The following SH2D4A variants were observed in gnomAD, a reference collection of about 807,000 sequenced individuals.
SH2D4A encodes SH2 domain containing 4A.
SH2D4A carries 70 observed loss-of-function variants against 64.7 expected under a neutral mutation model. The ratio of observed to expected loss-of-function variants is 1.08; its 90% CI spans 0.89 to 1.32. The LOEUF (loss-of-function observed/expected upper bound fraction) is 1.32, where lower values mean the gene tolerates loss of function less well. Among genes scored for constraint, SH2D4A ranks in the 40% most tolerant of loss-of-function variants. The pLI, the probability that SH2D4A is intolerant of heterozygous loss-of-function variation, is 0.00. For missense variants in SH2D4A, 706 were observed against 540.1 expected (o/e 1.31, Z -3.04); for synonymous variants, 268 against 200.7 (o/e 1.34, Z -2.83).
intron 6 of SH2D4A, 113 bp downstream of exon 6, chr8:19,361,427 C>T: frequency 2.8e-6 from 3 of 1,059,254 alleles, no homozygotes; most frequent in Admixed American, 7.4e-5. Flanking sequence ...GATATGTTCA[C>T]AGTAAGTTAC....
chr8:19,394,609 C>G lies in SH2D4A; in HGVS notation c.1332C>G (p.Asp444Glu), dbSNP rs769884182. The change falls in exon 10 of 10, where the codon GAC becomes GAG. Residue 444 changes from aspartate to glutamate, a missense_variant. Physicochemically the swap from Asp to Glu is conservative, Grantham distance 45. Transcript: ENST00000265807. ...ELLLYPCGQQ[D>E]QLPDYLELFE is the part of the protein sequence containing the mutation. ...TTCTCTATCCCTGTGGTCAGCAGGA[C>G]CAGCTGCCTGACTACCTGGAGCTGT... 1 of 1,611,254 alleles carries G rather than the reference C, an allele frequency of 6.2e-7. No individual in the cohort carries two copies. Among genetic ancestry groups the G allele is most frequent in the Non-Finnish European group, 8.5e-7 (1 of 1,178,366 alleles).
At chr8:19,340,148 G>A (rs35416168) in intron 4 of SH2D4A, among the ~76,000 whole-genome samples, 15,492 of 152,092 alleles carry the variant, frequency 0.1, 895 homozygotes, top group Middle Eastern at 0.17. Context: ...TGTGGCAAAG[G>A]CTCCATAGCT....
chr8:19,343,716 G>A (rs17128238), intron 4 of SH2D4A, among the ~76,000 whole-genome samples: 14,778 of 152,156 alleles, frequency 0.097, 872 homozygotes, highest in African/African-American at 0.16. Context: ...GCAAATATCC[G>A]TCAAGGTTTA....
chr8:19,333,875 C>T (rs1014572409), intron 3 of SH2D4A, among the ~76,000 whole-genome samples: 2 of 152,162 alleles, frequency 1.3e-5, no homozygotes, highest in Non-Finnish European at 2.9e-5. Flanking sequence ...AACCAAGATC[C>T]CTAGACTTGA....
intron 2 of SH2D4A, among the ~76,000 whole-genome samples, chr8:19,320,197 GA>G (rs1261369015): frequency 1.3e-5 from 2 of 151,976 alleles, no homozygotes; most frequent in East Asian, 3.9e-4. Context: ...TTGCTATAAG[GA>G]AAAAAATCAT....
chr8:19,321,933 A>G (rs74751827), intron 2 of SH2D4A, among the ~76,000 whole-genome samples: 1 of 152,160 alleles, frequency 6.6e-6, no homozygotes, highest in Admixed American at 6.5e-5. Flanking sequence ...TCTCGCTTGT[A>G]GGGTTTTGAA....
At position 19,314,010 on chromosome 8, in the gene SH2D4A, C is replaced by T. The variant is rs2052041548; in HGVS notation, c.-205+187C>T. ...GGGCGGGCTCAGGTGCGGGGTTGGG[C>T]GGCGAGAGCGGCCGCGGCGGGTGTC... On this transcript the variant is annotated intron_variant, in intron 1 of 9. Coordinates refer to ENST00000265807, the MANE Select transcript of SH2D4A (RefSeq NM_022071.4). The T allele has an allele frequency of 8.1e-6, 9 of 1,116,130 alleles. No homozygotes were observed. The South Asian group carries it at 3.0e-4, about 37-fold the overall frequency. The allele number at this position is 1,116,130 out of a possible 1,614,324, so 69.1% of individuals were successfully genotyped here. A position where few individuals can be genotyped will look rare whatever the true frequency, so the allele number is the denominator to read the frequency against.
At chr8:19,320,596 C>T (rs1430289825) in intron 2 of SH2D4A, among the ~76,000 whole-genome samples, 1 of 145,704 alleles carries the variant, frequency 6.9e-6, no homozygotes, top group Non-Finnish European at 1.5e-5. Flanking sequence ...TGCACTCCAC[C>T]CTGGGTGACA....
chr8:19,392,740 T>TTTTG (rs1226830493), intron 8 of SH2D4A, among the ~76,000 whole-genome samples: 2 of 152,154 alleles, frequency 1.3e-5, no homozygotes, highest in East Asian at 3.9e-4. Flanking sequence ...TTCCTTTTTT[T>TTTTG]TTTGTTTTGT....
chr8:19,379,527 T>C (rs1009140089), intron 8 of SH2D4A, among the ~76,000 whole-genome samples: 2 of 152,198 alleles, frequency 1.3e-5, no homozygotes, highest in Non-Finnish European at 2.9e-5. Context: ...CTTTTGGGTA[T>C]TTACCCAGAG....
At chr8:19,384,020 T>C (rs2053343174) in intron 8 of SH2D4A, among the ~76,000 whole-genome samples, 1 of 152,234 alleles carries the variant, frequency 6.6e-6, no homozygotes. Flanking sequence ...TTTATCAGAT[T>C]TGTGCAGTTT....
At chr8:19,360,634 T>C (rs187657554) in intron 5 of SH2D4A, among the ~76,000 whole-genome samples, 2 of 152,202 alleles carry the variant, frequency 1.3e-5, no homozygotes, top group Non-Finnish European at 2.9e-5. Flanking sequence ...TAATGATATA[T>C]ATTTCTTTTG....
rs1183643240 is a variant in SH2D4A, at chr8:19,373,473, G to C, written c.918-57G>C. The stretch of plus-strand genomic sequence containing the variant: ...ATATATATATATATATATGACTTTT[G>C]AGGGCATTATTTTCAAATTAGTTAA... On this transcript the variant is annotated intron_variant, in intron 7 of 9. Transcript: ENST00000265807. 5 of 1,266,374 alleles carry C rather than the reference G, an allele frequency of 3.9e-6. No homozygotes were observed. The African/African-American group carries it at 7.5e-5, about 19-fold the overall frequency. The allele number at this position is 1,266,374 out of a possible 1,614,324, so 78.4% of individuals were successfully genotyped here.
chr8:19,333,186 T>G, intron 3 of SH2D4A, 72 bp downstream of exon 3: 9 of 1,492,714 alleles, frequency 6.0e-6, no homozygotes, highest in Non-Finnish European at 8.1e-6. Context: ...AACACACCTC[T>G]TGCTCACAGT....
At chr8:19,386,792 A>C (rs568456809) in intron 8 of SH2D4A, among the ~76,000 whole-genome samples, 1 of 151,422 alleles carries the variant, frequency 6.6e-6, no homozygotes, top group South Asian at 2.1e-4. Flanking sequence ...TGCTTTTTTT[A>C]AAAAAAAGAC....
chr8:19,393,625 G>A, intron 9 of SH2D4A, 84 bp downstream of exon 9: 1 of 1,387,688 alleles, frequency 7.2e-7, no homozygotes, highest in Non-Finnish European at 1.0e-6. Context: ...ACAAAGAAAA[G>A]GACTGAGACA....
At chr8:19,358,048 A>G (rs1376480475) in intron 5 of SH2D4A, among the ~76,000 whole-genome samples, 1 of 152,194 alleles carries the variant, frequency 6.6e-6, no homozygotes, top group African/African-American at 2.4e-5. Flanking sequence ...ACTTCAAGAA[A>G]TCAGGATGAA....
intron 4 of SH2D4A, 24 bp downstream of exon 4, chr8:19,334,881 G>T (rs768683044): frequency 1.3e-6 from 2 of 1,571,262 alleles, no homozygotes; most frequent in Non-Finnish European, 1.7e-6. Flanking sequence ...GTCTGTAGAC[G>T]TGCGGAATTT....
At chr8:19,381,913 C>A (rs1419781693) in intron 8 of SH2D4A, among the ~76,000 whole-genome samples, 1 of 150,974 alleles carries the variant, frequency 6.6e-6, no homozygotes, top group African/African-American at 2.4e-5. Context: ...ATTTTTTTTT[C>A]ATTTATCCTG....
Sources: allele counts gnomAD v4.1 joint callset (sites outside exome capture counted in the v4.1 genomes callset), GRCh38; gene constraint gnomAD v4.1.1; transcripts MANE v1.5; gene names NCBI Gene and HGNC (gene_info 2026-07-23, HGNC 2026-07-21).